CAMK4: variants seen among roughly 807,000 people sequenced by gnomAD.
The protein encoded by CAMK4 is calcium/calmodulin dependent protein kinase IV.
Under a neutral mutation model 44.9 loss-of-function variants are expected in CAMK4, and 22 were observed. The ratio of observed to expected loss-of-function variants is 0.49; its 90% CI spans 0.35 to 0.70. The LOEUF (loss-of-function observed/expected upper bound fraction) is 0.70. Ranked by LOEUF, CAMK4 falls within the 30% of genes least tolerant of loss-of-function variation. CAMK4 has a pLI of 0.01. For missense variants in CAMK4, 498 were observed against 586.8 expected (o/e 0.85, Z 1.56); for synonymous variants, 218 against 215.4 (o/e 1.01, Z -0.11).
At chr5:111,395,223 A>AAG (rs1392601590) in intron 5 of CAMK4, among the ~76,000 whole-genome samples, 1 of 104,678 alleles carries the variant, frequency 9.6e-6, no homozygotes, top group African/African-American at 3.9e-5. Context: ...AAAAAAAAAA[A>AAG]AAAAGAAAAA....
At position 111,367,717 on chromosome 5, in the gene CAMK4, C is replaced by A. The variant is rs186470621; in HGVS notation, c.241-7133C>A. ...ATGACTGCCAATGAGACCCCATATA[C>A]CTCCCAGAAAAATGGAAAAGTTAAC... On this transcript the variant is annotated intron_variant, in intron 2 of 10. Transcript: ENST00000282356. Among the ~76,000 whole-genome samples the A allele has an allele frequency of 1.8e-4, 28 of 152,172 alleles. 1 individual carries two copies. The highest frequency in any genetic ancestry group is 1.5e-3 in the Admixed American group (23 of 15,262).
intron 9 of CAMK4, among the ~76,000 whole-genome samples, chr5:111,480,919 AG>A (rs1755414285): frequency 6.6e-6 from 1 of 152,182 alleles, no homozygotes; most frequent in Admixed American, 6.5e-5. Flanking sequence ...TTAAAACTTC[AG>A]AACTGGAAGA....
At chr5:111,483,023 C>T in intron 10 of CAMK4, 86 bp downstream of exon 10, 2 of 1,123,258 alleles carry the variant, frequency 1.8e-6, no homozygotes, top group Non-Finnish European at 2.4e-6. Flanking sequence ...TTCTACCGTT[C>T]TTCATCTAAT....
intron 1 of CAMK4, among the ~76,000 whole-genome samples, chr5:111,331,455 C>T (rs957535882): frequency 6.6e-6 from 1 of 151,634 alleles, no homozygotes; most frequent in South Asian, 2.1e-4. Flanking sequence ...AGATGTGGAG[C>T]AACTAGAACT....
In CAMK4 at chr5:111,456,352, A is replaced by G. The variant is rs534517358; in HGVS notation, c.625+7149A>G. Reference sequence around the variant, plus strand: ...TAAAAATACAAAAAATTAGCCGGGCATGATGGCGAGCACCTGTAGTCCCAG... The same window carrying G: ...TAAAAATACAAAAAATTAGCCGGGCGTGATGGCGAGCACCTGTAGTCCCAG... On this transcript the variant is annotated intron_variant, in intron 7 of 10. Transcript: ENST00000282356. Among the ~76,000 whole-genome samples the G allele has an allele frequency of 1.6e-4, 25 of 152,128 alleles. No individual in the cohort carries two copies. In the South Asian group the frequency reaches 4.6e-3, roughly 28 times the overall value.
At chr5:111,426,277 A>G (rs921491556) in intron 5 of CAMK4, among the ~76,000 whole-genome samples, 1 of 152,250 alleles carries the variant, frequency 6.6e-6, no homozygotes, top group Non-Finnish European at 1.5e-5. Flanking sequence ...AAATATTCAT[A>G]AGGCAAGAGA....
At chr5:111,283,896 G>A (rs541715365) in intron 1 of CAMK4, among the ~76,000 whole-genome samples, 13 of 152,236 alleles carry the variant, frequency 8.5e-5, no homozygotes, top group Non-Finnish European at 1.3e-4. Context: ...ATCCTCATGA[G>A]CATTTAGGTT....
intron 2 of CAMK4, 33 bp from the exon 3 acceptor site, chr5:111,374,813 GTTTC>G: frequency 7.5e-7 from 1 of 1,332,784 alleles, no homozygotes; most frequent in Non-Finnish European, 1.1e-6. Flanking sequence ...GAAGGGGGGA[GTTTC>G]TTTCAGTTTA....
chr5:111,283,850 G>A (rs1202347393), intron 1 of CAMK4, among the ~76,000 whole-genome samples: 1 of 152,132 alleles, frequency 6.6e-6, no homozygotes, highest in Non-Finnish European at 1.5e-5. Context: ...ATAGTATTCT[G>A]TTTAAAATAG....
chr5:111,483,034 ACTATTAT>A, intron 10 of CAMK4, 97 bp downstream of exon 10: 1 of 1,011,230 alleles, frequency 9.9e-7, no homozygotes, highest in African/African-American at 1.7e-5. Context: ...TTCATCTAAT[ACTATTAT>A]CTATTTCTTA....
At chr5:111,461,810 T>C (rs1340863509) in intron 7 of CAMK4, among the ~76,000 whole-genome samples, 1 of 6,912 alleles carries the variant, frequency 1.4e-4, no homozygotes, top group South Asian at 5.3e-3. Context: ...CAAGCCTCTA[T>C]AGTAAAAAAA....
chr5:111,443,670 G>A (rs1405495317), intron 5 of CAMK4, among the ~76,000 whole-genome samples: 3 of 151,916 alleles, frequency 2.0e-5, no homozygotes, highest in African/African-American at 4.8e-5. Context: ...TTTCAAGAAA[G>A]CCAGAACAAC....
At chr5:111,441,148 C>CA (rs1017039380) in intron 5 of CAMK4, among the ~76,000 whole-genome samples, 12 of 151,616 alleles carry the variant, frequency 7.9e-5, no homozygotes, top group South Asian at 2.1e-4. Flanking sequence ...AGAAACAATG[C>CA]AAAAAAAATC....
intron 1 of CAMK4, among the ~76,000 whole-genome samples, chr5:111,253,167 T>C (rs1423475782): frequency 2.6e-5 from 4 of 152,220 alleles, no homozygotes; most frequent in African/African-American, 9.6e-5. Flanking sequence ...GTTTTTGATG[T>C]GGAGGTGGGT....
chr5:111,268,991 G>A (rs1351964420), intron 1 of CAMK4, among the ~76,000 whole-genome samples: 1 of 152,084 alleles, frequency 6.6e-6, no homozygotes, highest in Non-Finnish European at 1.5e-5. Context: ...TATGAAAGCA[G>A]GGAAGACTTT....
In CAMK4 at chr5:111,469,172, A is replaced by T. The variant is rs13184234; in HGVS notation, c.626-4139A>T. Among the ~76,000 whole-genome samples the T allele has an allele frequency of 7.4e-3, 235 of 31,708 alleles. 3 individuals carry two copies. Among genetic ancestry groups the T allele is most frequent in the African/African-American group, 0.01 (86 of 8,200 alleles). 20.8% of individuals were successfully genotyped at this position (31,708 alleles called of 152,430 possible). ...AAAAAAAAAAAAAAAAAAAAAAAAAAATATATATATATATATATATATATA... is the reference window on the plus strand; with the variant it reads ...AAAAAAAAAAAAAAAAAAAAAAAAATATATATATATATATATATATATATA... On this transcript the variant is annotated intron_variant, in intron 7 of 10. Coordinates refer to ENST00000282356, the MANE Select transcript of CAMK4 (RefSeq NM_001744.6).
intron 5 of CAMK4, among the ~76,000 whole-genome samples, chr5:111,423,747 A>G (rs1460143438): frequency 6.6e-6 from 1 of 152,198 alleles, no homozygotes; most frequent in Non-Finnish European, 1.5e-5. Flanking sequence ...AAGGGGCTAA[A>G]TGCTTTTGCT....
At chr5:111,301,432 T>C (rs2112647257) in intron 1 of CAMK4, among the ~76,000 whole-genome samples, 1 of 152,282 alleles carries the variant, frequency 6.6e-6, no homozygotes, top group South Asian at 2.1e-4. Context: ...ATGAAACACT[T>C]AGAATGGAGT....
intron 1 of CAMK4, among the ~76,000 whole-genome samples, chr5:111,237,318 C>A (rs1441297591): frequency 6.6e-6 from 1 of 152,206 alleles, no homozygotes; most frequent in Admixed American, 6.5e-5. Context: ...TTATCTACCT[C>A]TAAGATCCCT....
Sources: gnomAD v4.1 joint callset for allele counts (sites outside exome capture counted in the v4.1 genomes callset) on GRCh38, gnomAD v4.1.1 for gene constraint, MANE v1.5 for transcripts, NCBI Gene and HGNC (gene_info 2026-07-23, HGNC 2026-07-21) for gene names.